LHFPL6: variants seen among roughly 807,000 people sequenced by gnomAD.
LHFPL6 encodes LHFPL tetraspan subfamily member 6.
In LHFPL6, 9 loss-of-function variants were observed where a neutral mutation model predicts 20.6. That is an observed-to-expected ratio of 0.44 (90% confidence interval 0.26 to 0.76). LHFPL6 has a LOEUF of 0.76. LHFPL6 is among the 30% of genes least tolerant of loss of function. The probability of loss-of-function intolerance (pLI) is 0.20; values close to 1 mark genes in which losing one functional copy is unlikely to be tolerated. For synonymous variants in LHFPL6, 105 were observed against 98.7 expected, an observed-to-expected ratio of 1.06 and a Z score of -0.38; for missense variants, 218 against 253.5, an observed-to-expected ratio of 0.86 and a Z score of 0.95.
In LHFPL6 at chr13:39,419,738, T is replaced by C. The variant is rs369567757; in HGVS notation, c.386-41212A>G. Among the ~76,000 whole-genome samples the C allele has an allele frequency of 1.2e-3, 188 of 152,322 alleles. 6 individuals are homozygous for C. In the South Asian group the frequency reaches 0.037, roughly 30 times the overall value. The stretch of plus-strand genomic sequence containing the variant: ...GAGTTGTATAAATATTAGGCCCATA[T>C]AGATTTTTAACAATCATATTCTCCT... On this transcript the variant is annotated intron_variant, in intron 2 of 3. Transcript: ENST00000379589.
chr13:39,372,301 A>C (rs1425810361), intron 3 of LHFPL6, among the ~76,000 whole-genome samples: 2 of 152,242 alleles, frequency 1.3e-5, no homozygotes, highest in African/African-American at 4.8e-5. Context: ...AAAGCATCCT[A>C]GTCTATACAA....
chr13:39,576,643 A>AT (rs1446383990), intron 2 of LHFPL6, among the ~76,000 whole-genome samples: 2 of 151,646 alleles, frequency 1.3e-5, no homozygotes, highest in African/African-American at 4.8e-5. Context: ...ATTCTTAATA[A>AT]TTTTTTTTGA....
intron 2 of LHFPL6, among the ~76,000 whole-genome samples, chr13:39,573,169 T>C (rs1012466243): frequency 6.6e-6 from 1 of 152,070 alleles, no homozygotes; most frequent in African/African-American, 2.4e-5. Context: ...ACAAAACACA[T>C]TTGATAGAGA....
chr13:39,597,537 T>C (rs1012749490), intron 2 of LHFPL6, among the ~76,000 whole-genome samples: 2 of 152,222 alleles, frequency 1.3e-5, no homozygotes, highest in Admixed American at 6.5e-5. Flanking sequence ...TATATACATG[T>C]TAACATTTTT....
chr13:39,444,044 G>C (rs927180547), intron 2 of LHFPL6, among the ~76,000 whole-genome samples: 4 of 152,128 alleles, frequency 2.6e-5, no homozygotes, highest in African/African-American at 9.7e-5. Flanking sequence ...AGGAGCATTG[G>C]AAAGTGGAAT....
intron 3 of LHFPL6, among the ~76,000 whole-genome samples, chr13:39,352,867 A>ATATATATATATATGTATATATATGTG (rs1869609556): frequency 2.7e-5 from 2 of 75,396 alleles, no homozygotes; most frequent in Admixed American, 1.7e-4. Flanking sequence ...ATATATGTGT[A>ATATATATATATATGTATATATATGTG]TATATATATA....
chr13:39,477,390 T>C (rs1274348759), intron 2 of LHFPL6, among the ~76,000 whole-genome samples: 1 of 152,218 alleles, frequency 6.6e-6, no homozygotes, highest in Non-Finnish European at 1.5e-5. Context: ...ATTTTTAGAA[T>C]TCTATTTGCA....
intron 2 of LHFPL6, among the ~76,000 whole-genome samples, chr13:39,484,639 G>A (rs1012962617): frequency 6.6e-6 from 1 of 152,090 alleles, no homozygotes; most frequent in African/African-American, 2.4e-5. Flanking sequence ...CCTCAGGAAG[G>A]ACCAAGCATC....
chr13:39,530,391 C>T (rs1202602822), intron 2 of LHFPL6, among the ~76,000 whole-genome samples: 3 of 151,800 alleles, frequency 2.0e-5, no homozygotes, highest in Admixed American at 6.6e-5. Flanking sequence ...GAGGTATGAG[C>T]GGGGGCAAAC....
chr13:39,504,942 A>G (rs1446467716), intron 2 of LHFPL6, among the ~76,000 whole-genome samples: 1 of 152,244 alleles, frequency 6.6e-6, no homozygotes, highest in Admixed American at 6.5e-5. Flanking sequence ...CTGGCTCATT[A>G]CATAAATGAA....
At chr13:39,469,549 G>A (rs1458299413) in intron 2 of LHFPL6, among the ~76,000 whole-genome samples, 1 of 152,054 alleles carries the variant, frequency 6.6e-6, no homozygotes, top group African/African-American at 2.4e-5. Flanking sequence ...CTGTTTCCTT[G>A]CTCACCTTGA....
intron 2 of LHFPL6, among the ~76,000 whole-genome samples, chr13:39,591,278 G>A (rs931574337): frequency 6.6e-6 from 1 of 152,128 alleles, no homozygotes; most frequent in Non-Finnish European, 1.5e-5. Flanking sequence ...GGACGAAGGA[G>A]GAAAAACACA....
intron 2 of LHFPL6, among the ~76,000 whole-genome samples, chr13:39,452,628 T>G (rs1431174147): frequency 1.3e-5 from 2 of 152,222 alleles, no homozygotes; most frequent in Non-Finnish European, 2.9e-5. Flanking sequence ...AGACTCATTA[T>G]GATGATACCC....
At chr13:39,531,867 G>A (rs907333634) in intron 2 of LHFPL6, among the ~76,000 whole-genome samples, 51 of 152,242 alleles carry the variant, frequency 3.3e-4, no homozygotes, top group African/African-American at 1.1e-3. Context: ...AAAAGGTCAC[G>A]TGATATATGC....
chr13:39,459,466 C>T lies in LHFPL6; in HGVS notation c.386-80940G>A, dbSNP rs1003600193. Among the ~76,000 whole-genome samples, 10 of 152,100 alleles carry T rather than the reference C, an allele frequency of 6.6e-5. No individual in the cohort carries two copies. In the East Asian group the frequency reaches 9.7e-4, roughly 15 times the overall value. On this transcript the variant is annotated intron_variant, in intron 2 of 3. Coordinates refer to ENST00000379589, the MANE Select transcript of LHFPL6 (RefSeq NM_005780.3). Reference sequence around the variant, plus strand: ...GCTGCCAGGGACACAAAGCCACAAGCGGTTCCACCCTGCTCAGGATCTGGG... The same window carrying T: ...GCTGCCAGGGACACAAAGCCACAAGTGGTTCCACCCTGCTCAGGATCTGGG...
chr13:39,505,458 G>A (rs1364414315), intron 2 of LHFPL6, among the ~76,000 whole-genome samples: 2 of 152,026 alleles, frequency 1.3e-5, no homozygotes, highest in Admixed American at 6.6e-5. Flanking sequence ...GTTACTTGGT[G>A]GAGGAAAAGA....
intron 3 of LHFPL6, among the ~76,000 whole-genome samples, 194 bp downstream of exon 3, chr13:39,378,233 AT>A (rs1870344512): frequency 6.6e-6 from 1 of 152,198 alleles, no homozygotes; most frequent in Non-Finnish European, 1.5e-5. Context: ...AATACTCATC[AT>A]AGTACTGAGC....
intron 2 of LHFPL6, among the ~76,000 whole-genome samples, chr13:39,399,496 T>C (rs1870928753): frequency 6.6e-6 from 1 of 152,180 alleles, no homozygotes; most frequent in African/African-American, 2.4e-5. Context: ...CTTTCTAAAC[T>C]CCTATGACAA....
chr13:39,433,122 G>A (rs965131574), intron 2 of LHFPL6, among the ~76,000 whole-genome samples: 1 of 152,130 alleles, frequency 6.6e-6, no homozygotes, highest in Non-Finnish European at 1.5e-5. Context: ...AACTAAGCTG[G>A]CCAGCTAAGC....
Sources: allele counts gnomAD v4.1 joint callset (sites outside exome capture counted in the v4.1 genomes callset), GRCh38; gene constraint gnomAD v4.1.1; transcripts MANE v1.5; gene names NCBI Gene and HGNC (gene_info 2026-07-23, HGNC 2026-07-21).